ZC3H12B: variants seen among roughly 807,000 people sequenced by gnomAD.
ZC3H12B encodes the protein zinc finger CCCH-type containing 12B, also known as probable ribonuclease ZC3H12B.
In ZC3H12B, 7 loss-of-function variants were observed where a neutral mutation model predicts 43.9. That is an observed-to-expected ratio of 0.16 (90% CI 0.09 to 0.30). The LOEUF (loss-of-function observed/expected upper bound fraction) is 0.30, where lower values mean the gene tolerates loss of function less well. Among genes scored for constraint, ZC3H12B ranks in the 10% least tolerant of loss-of-function variants. The probability of loss-of-function intolerance (pLI) is 1.00; values close to 1 mark genes in which losing one functional copy is unlikely to be tolerated. For synonymous variants in ZC3H12B, 222 were observed against 241.7 expected (o/e 0.92, Z 0.76); for missense variants, 475 against 670.2 (o/e 0.71, Z 3.22).
At chrX:65,187,609 C>A in the ZC3H12B span, among the ~76,000 whole-genome samples, 1 of 108,717 alleles carries the variant, frequency 9.2e-6, no homozygotes, top group African/African-American at 3.3e-5. Flanking sequence ...GCAAAAACCG[C>A]AATTACTTTT....
chrX:65,150,409 A>G, the ZC3H12B span, among the ~76,000 whole-genome samples: 67 of 110,647 alleles, frequency 6.1e-4, no homozygotes, highest in African/African-American at 1.9e-3. Flanking sequence ...ATACATATAC[A>G]GAACATTCAG....
the ZC3H12B span, among the ~76,000 whole-genome samples, chrX:65,194,192 G>A: frequency 2.1e-5 from 2 of 96,918 alleles, no homozygotes; most frequent in East Asian, 3.6e-4. Flanking sequence ...CATGGATTTT[G>A]ATGTGTCACA....
the ZC3H12B span, among the ~76,000 whole-genome samples, chrX:65,164,540 G>A: frequency 9.0e-6 from 1 of 111,492 alleles, no homozygotes; most frequent in Non-Finnish European, 1.9e-5. Context: ...CCCTGAGAAA[G>A]GAAGGAGGTT....
chrX:65,076,505 T>G, the ZC3H12B span, among the ~76,000 whole-genome samples: 1 of 111,911 alleles, frequency 8.9e-6, no homozygotes, highest in Non-Finnish European at 1.9e-5. Flanking sequence ...CATCTCCTAC[T>G]GGGATTCTGA....
the ZC3H12B span, among the ~76,000 whole-genome samples, chrX:65,191,536 A>G: frequency 7.9e-5 from 8 of 101,385 alleles, 1 homozygote; most frequent in Admixed American, 8.0e-4. Flanking sequence ...GGGAGAGTGT[A>G]TGTGTCGAGT....
chrX:65,190,287 T>C, the ZC3H12B span, among the ~76,000 whole-genome samples: 1 of 110,949 alleles, frequency 9.0e-6, no homozygotes, highest in African/African-American at 3.3e-5. Flanking sequence ...GCGGGCTCTT[T>C]TTTGGTTCCA....
chrX:65,229,922 T>C, the ZC3H12B span, among the ~76,000 whole-genome samples: 1 of 111,149 alleles, frequency 9.0e-6, no homozygotes, highest in African/African-American at 3.3e-5. Flanking sequence ...TAGGAACACT[T>C]TTACACTGTT....
At chrX:65,116,821 C>G in the ZC3H12B span, among the ~76,000 whole-genome samples, 1 of 110,730 alleles carries the variant, frequency 9.0e-6, no homozygotes, top group Admixed American at 9.7e-5. Context: ...GTTTGGTTTT[C>G]TGTTCTTGTG....
chrX:65,448,417 G>T (rs192854177), intron 3 of ZC3H12B, among the ~76,000 whole-genome samples: 57 of 112,059 alleles, frequency 5.1e-4, no homozygotes, highest in African/African-American at 1.8e-3. Context: ...TAAAGGAAAA[G>T]AAGTCATATC....
chrX:65,215,925 G>C, the ZC3H12B span, among the ~76,000 whole-genome samples: 2 of 111,537 alleles, frequency 1.8e-5, no homozygotes, highest in African/African-American at 3.3e-5. Flanking sequence ...AGGGAAGCCT[G>C]ATGAGAGGAA....
the ZC3H12B span, among the ~76,000 whole-genome samples, chrX:65,055,381 A>G: frequency 9.0e-6 from 1 of 111,664 alleles, no homozygotes; most frequent in Admixed American, 9.5e-5. Context: ...TATATGCTGG[A>G]TTACGTTTAC....
At chrX:65,275,907 A>G in the ZC3H12B span, among the ~76,000 whole-genome samples, 4 of 112,254 alleles carry the variant, frequency 3.6e-5, no homozygotes, top group East Asian at 5.6e-4. Flanking sequence ...AGGAAACTCA[A>G]TGAAATACAA....
chrX:65,212,163 AAT>A, the ZC3H12B span, among the ~76,000 whole-genome samples: 1 of 51,386 alleles, frequency 1.9e-5, no homozygotes, highest in Non-Finnish European at 3.1e-5. Context: ...ATTAGTATAT[AAT>A]ATATAATATT....
chrX:65,347,340 G>A, the ZC3H12B span, among the ~76,000 whole-genome samples: 3 of 111,436 alleles, frequency 2.7e-5, no homozygotes, highest in Non-Finnish European at 5.7e-5. Flanking sequence ...GGAGAAACCA[G>A]TGCAAAAAGG....
the ZC3H12B span, chrX:65,328,570 T>C: frequency 1.1e-5 from 2 of 183,519 alleles, no homozygotes; most frequent in Admixed American, 7.4e-5. Context: ...TTTTTTTTAT[T>C]ATACTTTAAG....
chrX:65,114,694 T>G, the ZC3H12B span, among the ~76,000 whole-genome samples: 2 of 110,726 alleles, frequency 1.8e-5, no homozygotes, highest in African/African-American at 6.5e-5. Context: ...AGATATTTGT[T>G]TAATTGATTT....
the ZC3H12B span, among the ~76,000 whole-genome samples, chrX:65,233,897 G>A: frequency 7.2e-5 from 8 of 111,173 alleles, no homozygotes; most frequent in South Asian, 3.8e-4. Context: ...ACATTACAGC[G>A]GATACCACAG....
chrX:65,201,271 T>C, the ZC3H12B span, among the ~76,000 whole-genome samples: 1 of 111,621 alleles, frequency 9.0e-6, no homozygotes, highest in Non-Finnish European at 1.9e-5. Flanking sequence ...CCTTGTTCAG[T>C]CTTGAGAAGG....
the ZC3H12B span, among the ~76,000 whole-genome samples, chrX:65,067,610 C>A: frequency 9.0e-6 from 1 of 111,651 alleles, no homozygotes. Flanking sequence ...GATCCCATTT[C>A]TGATTTTATT....
Sources: allele counts gnomAD v4.1 joint callset (sites outside exome capture counted in the v4.1 genomes callset), GRCh38; gene constraint gnomAD v4.1.1; transcripts MANE v1.5; gene names NCBI Gene and HGNC (gene_info 2026-07-23, HGNC 2026-07-21).